CA10: variants seen among roughly 807,000 people sequenced by gnomAD.
CA10 encodes carbonic anhydrase 10 (inactive), also known as carbonic anhydrase-related protein 10.
A neutral mutation model predicts 44.2 loss-of-function variants in CA10; 14 were observed. That is an observed-to-expected ratio of 0.32 (90% confidence interval 0.21 to 0.50). The LOEUF (loss-of-function observed/expected upper bound fraction) is 0.50. Among genes scored for constraint, CA10 ranks in the 20% least tolerant of loss-of-function variants. The pLI is 0.99. For missense variants in CA10, 350 were observed against 409.7 expected (o/e 0.85, Z 1.26); for synonymous variants, 159 against 141.6 (o/e 1.12, Z -0.87).
chr17:51,817,771 G>A (rs1907622150), intron 3 of CA10, among the ~76,000 whole-genome samples: 1 of 152,178 alleles, frequency 6.6e-6, no homozygotes, highest in Non-Finnish European at 1.5e-5. Context: ...ATATCGGTAG[G>A]TAGCAGTGCA....
At chr17:52,131,042 A>G (rs886871041) in intron 1 of CA10, among the ~76,000 whole-genome samples, 3 of 152,030 alleles carry the variant, frequency 2.0e-5, no homozygotes, top group Admixed American at 6.5e-5. Context: ...CTATCCCACA[A>G]TGTATACATA....
chr17:52,114,461 C>G (rs1021285921), intron 1 of CA10, among the ~76,000 whole-genome samples: 1 of 152,180 alleles, frequency 6.6e-6, no homozygotes, highest in Non-Finnish European at 1.5e-5. Context: ...GGGAAGGATA[C>G]TAGTATTAAA....
At chr17:51,849,866 C>T (rs1354264232) in intron 3 of CA10, among the ~76,000 whole-genome samples, 1 of 152,106 alleles carries the variant, frequency 6.6e-6, no homozygotes, top group Non-Finnish European at 1.5e-5. Context: ...TCTTTCTTTG[C>T]ATGAATACCC....
At chr17:51,785,437 C>A (rs1906230681) in intron 3 of CA10, among the ~76,000 whole-genome samples, 1 of 152,162 alleles carries the variant, frequency 6.6e-6, no homozygotes, top group African/African-American at 2.4e-5. Context: ...CACTGATCAT[C>A]AGAGAAATGC....
chr17:52,017,080 G>A (rs558569811), intron 2 of CA10, among the ~76,000 whole-genome samples: 10 of 152,148 alleles, frequency 6.6e-5, no homozygotes, highest in South Asian at 2.1e-4. Flanking sequence ...TGTACATTCC[G>A]CAGAACTGTG....
chr17:52,100,494 A>C (rs1400835456), intron 1 of CA10, among the ~76,000 whole-genome samples: 1 of 152,240 alleles, frequency 6.6e-6, no homozygotes, highest in Non-Finnish European at 1.5e-5. Context: ...TACAAGTGAA[A>C]ACAAAAACAA....
At chr17:52,082,586 G>C (rs191846209) in intron 1 of CA10, among the ~76,000 whole-genome samples, 3 of 152,090 alleles carry the variant, frequency 2.0e-5, no homozygotes, top group African/African-American at 4.8e-5. Flanking sequence ...CCTTTCTTTA[G>C]CACAGTGAGC....
chr17:52,159,945 G>C (rs2143440087), upstream of CA10: 1 of 152,286 alleles, frequency 6.6e-6, no homozygotes, highest in Non-Finnish European at 1.5e-5. Context: ...TATTGAAGAA[G>C]AGGAGGGAGC....
intron 3 of CA10, among the ~76,000 whole-genome samples, chr17:51,908,146 A>G (rs187946134): frequency 9.2e-5 from 14 of 152,322 alleles, no homozygotes; most frequent in African/African-American, 3.4e-4. Context: ...TTACAATTAG[A>G]AATTCAGTTC....
chr17:52,139,466 T>TTTTTC (rs1422755010), intron 1 of CA10, among the ~76,000 whole-genome samples: 1 of 147,782 alleles, frequency 6.8e-6, no homozygotes, highest in African/African-American at 2.5e-5. Context: ...TTTTTTTTTT[T>TTTTTC]CGAAATAATG....
At chr17:51,939,229 T>G (rs1181225188) in intron 2 of CA10, among the ~76,000 whole-genome samples, 1 of 152,148 alleles carries the variant, frequency 6.6e-6, no homozygotes, top group Non-Finnish European at 1.5e-5. Flanking sequence ...TCCATACTAA[T>G]AGAGCTTCTC....
chr17:51,633,435 C>T (rs563107441), intron 8 of CA10, 41 bp downstream of exon 8: 2 of 1,579,500 alleles, frequency 1.3e-6, no homozygotes, highest in Non-Finnish European at 1.7e-6. Flanking sequence ...AAAGACTGAG[C>T]TCTAGCCTAG....
At chr17:52,023,535 A>G (rs1162297290) in intron 2 of CA10, among the ~76,000 whole-genome samples, 1 of 152,094 alleles carries the variant, frequency 6.6e-6, no homozygotes, top group Non-Finnish European at 1.5e-5. Flanking sequence ...CCTAAGAAAT[A>G]CCCTAATGGA....
chr17:51,842,763 T>C (rs1978341825), intron 3 of CA10, among the ~76,000 whole-genome samples: 1 of 152,042 alleles, frequency 6.6e-6, no homozygotes, highest in African/African-American at 2.4e-5. Flanking sequence ...CAACATTTAG[T>C]CTGAGAAAGT....
At chr17:51,733,057 T>C (rs192762875) in intron 4 of CA10, among the ~76,000 whole-genome samples, 2 of 152,204 alleles carry the variant, frequency 1.3e-5, no homozygotes, top group Admixed American at 1.3e-4. Context: ...CCCATTTGAG[T>C]GCGTTTCTGT....
chr17:51,692,240 T>TG (rs1252266728), intron 4 of CA10, among the ~76,000 whole-genome samples: 5 of 149,038 alleles, frequency 3.4e-5, no homozygotes, highest in African/African-American at 1.0e-4. Context: ...CTTAGGGTTT[T>TG]TTTTTTTTTT....
intron 3 of CA10, among the ~76,000 whole-genome samples, chr17:51,852,441 T>C (rs1978839149): frequency 6.6e-6 from 1 of 152,202 alleles, no homozygotes. Flanking sequence ...GTGTCACATA[T>C]AGTACTATTA....
rs1913903774 is a variant in CA10, at chr17:51,659,042, C to A, written c.466-5306G>T. ...AATTTTATATGGCAACTTGACTGGG[C>A]AAAGGGATGCCCAGACAGCAGGAAA... is the stretch of plus-strand genomic sequence containing the variant. On this transcript the variant is annotated intron_variant, in intron 4 of 8. Transcript: ENST00000451037. Among the ~76,000 whole-genome samples, 3 of 152,132 alleles carry A rather than the reference C, an allele frequency of 2.0e-5. No homozygotes were observed. The South Asian group carries it at 6.2e-4, about 32-fold the overall frequency.
intron 4 of CA10, among the ~76,000 whole-genome samples, chr17:51,721,117 G>T (rs1459513071): frequency 6.6e-6 from 1 of 151,988 alleles, no homozygotes; most frequent in African/African-American, 2.4e-5. Flanking sequence ...ATCACCTAAG[G>T]TCAGGAGTTT....
Sources: allele counts gnomAD v4.1 joint callset (sites outside exome capture counted in the v4.1 genomes callset), GRCh38; gene constraint gnomAD v4.1.1; transcripts MANE v1.5; gene names NCBI Gene and HGNC (gene_info 2026-07-23, HGNC 2026-07-21).